Variants in GLIS3 observed in about 807,000 individuals in gnomAD.
GLIS3 encodes the protein zinc finger protein GLIS3.
In GLIS3, 53 loss-of-function variants were observed where a neutral mutation model predicts 78.6. That is an observed-to-expected ratio of 0.67 (90% CI 0.54 to 0.85). The LOEUF (loss-of-function observed/expected upper bound fraction) is 0.85, where lower values mean the gene tolerates loss of function less well. GLIS3 is among the 40% of genes least tolerant of loss of function. The pLI is 0.00. For synonymous variants in GLIS3, 684 were observed against 509.9 expected (o/e 1.34, Z -4.60); for missense variants, 1,703 against 1,231.1 (o/e 1.38, Z -5.74).
chr9:4,365,295 G>A, the GLIS3 span, among the ~76,000 whole-genome samples: 8 of 152,122 alleles, frequency 5.3e-5, no homozygotes, highest in East Asian at 1.5e-3. Flanking sequence ...GGGTGCGGTG[G>A]CTCATGCCTG....
chr9:4,483,703 C>T, the GLIS3 span, among the ~76,000 whole-genome samples: 2 of 145,646 alleles, frequency 1.4e-5, no homozygotes, highest in African/African-American at 2.6e-5. Flanking sequence ...CTGGGCAACA[C>T]GAGTGAGACT....
At chr9:3,970,337 T>C (rs981104532) in intron 4 of GLIS3, among the ~76,000 whole-genome samples, 3 of 152,222 alleles carry the variant, frequency 2.0e-5, no homozygotes, top group Admixed American at 1.3e-4. Flanking sequence ...ACAGTCCTTA[T>C]ATTATGAGAA....
chr9:4,163,473 C>A (rs10448175), intron 2 of GLIS3, among the ~76,000 whole-genome samples: 73,821 of 151,918 alleles, frequency 0.49, 19,401 homozygotes, highest in East Asian at 0.83. Context: ...CAAACTGAGA[C>A]GAAGTCCTCA....
At chr9:3,918,729 A>C (rs1052684598) in intron 6 of GLIS3, among the ~76,000 whole-genome samples, 1 of 152,198 alleles carries the variant, frequency 6.6e-6, no homozygotes, top group Non-Finnish European at 1.5e-5. Context: ...GGCCATCCCT[A>C]GGATACACAT....
chr9:4,416,001 A>G, the GLIS3 span, among the ~76,000 whole-genome samples: 1 of 150,554 alleles, frequency 6.6e-6, no homozygotes. Flanking sequence ...TACATTGTTT[A>G]TATATGTAAA....
the GLIS3 span, among the ~76,000 whole-genome samples, chr9:4,423,367 G>T: frequency 6.6e-6 from 1 of 152,004 alleles, no homozygotes; most frequent in African/African-American, 2.4e-5. Flanking sequence ...AAGGCCTCCT[G>T]GTGGGCACAA....
chr9:4,148,382 T>C (rs1357032290), intron 2 of GLIS3, among the ~76,000 whole-genome samples: 1 of 152,098 alleles, frequency 6.6e-6, no homozygotes, highest in Non-Finnish European at 1.5e-5. Context: ...ATACTCTCCA[T>C]ATTTCCATCC....
chr9:4,265,847 A>G (rs1179179676), intron 2 of GLIS3, among the ~76,000 whole-genome samples: 1 of 152,152 alleles, frequency 6.6e-6, no homozygotes, highest in African/African-American at 2.4e-5. Flanking sequence ...CAACTTCACA[A>G]CTGAGTGTCA....
rs1831906224 is a variant in GLIS3, at chr9:4,118,506, G to C, written c.972C>G (p.Pro324=). The change falls in exon 4 of 11, where the codon CCC becomes CCG. Residue 324 remains proline (P), a synonymous_variant. Transcript: ENST00000381971. The surrounding 1 kb of genome is among the most constrained non-coding windows in gnomAD (Gnocchi z 4.7). ...CGTTGATGTAGGCCACCAAGGACGTGGGCGACGTGCGGATGATGGTATTGA... is the reference window on the plus strand; with the variant it reads ...CGTTGATGTAGGCCACCAAGGACGTCGGCGACGTGCGGATGATGGTATTGA... ...IDFNTIIRTS[P]TSLVAYINGS... 6.2e-7 allele frequency: 1 copy of C among 1,614,110 alleles called. No individual in the cohort carries two copies. The highest frequency in any genetic ancestry group is 8.5e-7 in the Non-Finnish European group (1 of 1,180,044).
chr9:3,890,424 A>T (rs948216709), intron 7 of GLIS3, among the ~76,000 whole-genome samples: 14 of 152,196 alleles, frequency 9.2e-5, no homozygotes, highest in Non-Finnish European at 1.8e-4. Context: ...CATAAAAGAC[A>T]TGGATAGAAG....
chr9:4,410,344 GT>G, the GLIS3 span, among the ~76,000 whole-genome samples: 1 of 152,014 alleles, frequency 6.6e-6, no homozygotes, highest in African/African-American at 2.4e-5. Context: ...AGAAGCAGTT[GT>G]TTTTTCTCTT....
intron 4 of GLIS3, among the ~76,000 whole-genome samples, chr9:4,055,760 C>T (rs1826103673): frequency 6.6e-6 from 1 of 152,176 alleles, no homozygotes; most frequent in Admixed American, 6.5e-5. Flanking sequence ...AGCAAGCTGG[C>T]TCAAGTTCAA....
chr9:4,139,508 AT>A (rs1833647103), intron 2 of GLIS3, among the ~76,000 whole-genome samples: 1 of 152,144 alleles, frequency 6.6e-6, no homozygotes, highest in South Asian at 2.1e-4. Context: ...AGACAGAAAT[AT>A]TACTCGTTCG....
the GLIS3 span, among the ~76,000 whole-genome samples, chr9:4,358,140 G>A: frequency 6.6e-6 from 1 of 152,228 alleles, no homozygotes; most frequent in East Asian, 1.9e-4. Context: ...ATATCCATAT[G>A]TATATATGTG....
intron 9 of GLIS3, among the ~76,000 whole-genome samples, chr9:3,829,971 T>C (rs906848430): frequency 6.6e-6 from 1 of 152,210 alleles, no homozygotes; most frequent in Non-Finnish European, 1.5e-5. Context: ...AATAGAGAAA[T>C]ACATGCACAT....
At chr9:4,013,022 C>T (rs1208818171) in intron 4 of GLIS3, among the ~76,000 whole-genome samples, 1 of 152,084 alleles carries the variant, frequency 6.6e-6, no homozygotes, top group Non-Finnish European at 1.5e-5. Flanking sequence ...ATCCTCCTGC[C>T]TCAGCCTCCC....
chr9:4,212,974 C>T (rs566952646), intron 2 of GLIS3, among the ~76,000 whole-genome samples: 1 of 152,244 alleles, frequency 6.6e-6, no homozygotes, highest in South Asian at 2.1e-4. Context: ...AAACTAGAAA[C>T]AGGAAGACCC....
intron 8 of GLIS3, among the ~76,000 whole-genome samples, chr9:3,860,544 C>A (rs572104591): frequency 6.6e-6 from 1 of 152,032 alleles, no homozygotes; most frequent in Non-Finnish European, 1.5e-5. Context: ...CCAACTGAGA[C>A]ACGTAGACCC....
chr9:4,393,934 G>A, the GLIS3 span, among the ~76,000 whole-genome samples: 1 of 151,872 alleles, frequency 6.6e-6, no homozygotes, highest in African/African-American at 2.4e-5. Flanking sequence ...TGACCCAGTG[G>A]GCCTGAGTGT....
Sources: allele counts gnomAD v4.1 joint callset (sites outside exome capture counted in the v4.1 genomes callset), GRCh38; gene constraint gnomAD v4.1.1; non-coding constraint Gnocchi (gnomAD v3.1); transcripts MANE v1.5; gene names NCBI Gene and HGNC (gene_info 2026-07-23, HGNC 2026-07-21).